Variants in GALC observed in about 807,000 individuals in gnomAD.
The protein encoded by GALC is galactosylceramidase.
GALC carries 77 observed loss-of-function variants against 91.8 expected under a neutral mutation model. The ratio of observed to expected loss-of-function variants is 0.84; its 90% CI spans 0.70 to 1.01. The LOEUF (loss-of-function observed/expected upper bound fraction) is 1.01, where lower values mean the gene tolerates loss of function less well. GALC is among the 50% of genes least tolerant of loss of function. The probability of loss-of-function intolerance (pLI) is 0.00; values close to 1 mark genes in which losing one functional copy is unlikely to be tolerated. For missense variants in GALC, 882 were observed against 855.9 expected (o/e 1.03, Z -0.38); for synonymous variants, 357 against 306.7 (o/e 1.16, Z -1.71).
intron 14 of GALC, among the ~76,000 whole-genome samples, chr14:87,942,050 A>C (rs1434837857): frequency 6.6e-6 from 1 of 151,944 alleles, no homozygotes; most frequent in Non-Finnish European, 1.5e-5. Flanking sequence ...CAAAACTTTA[A>C]AACTCCAGGA....
At chr14:87,973,671 C>T (rs1886384105) in intron 7 of GALC, among the ~76,000 whole-genome samples, 1 of 152,104 alleles carries the variant, frequency 6.6e-6, no homozygotes, top group Non-Finnish European at 1.5e-5. Context: ...CAGACAATAA[C>T]TAAACGAAGA....
At chr14:87,950,031 T>C (rs985063239) in intron 11 of GALC, 100 bp from the exon 12 acceptor site, 52 of 674,272 alleles carry the variant, frequency 7.7e-5, no homozygotes, top group Non-Finnish European at 1.2e-4. Flanking sequence ...ATGACAATAT[T>C]ATCTCTATTT....
In GALC at chr14:87,944,367, C is replaced by T. The variant is rs80240831; in HGVS notation, c.1670+1186G>A. ...GTCACAGAAAAAAAAGTTTCCTATACGGCGACTTCAAAACTGGAGATCAAA... is the reference window on the plus strand; with the variant it reads ...GTCACAGAAAAAAAAGTTTCCTATATGGCGACTTCAAAACTGGAGATCAAA... On this transcript the variant is annotated intron_variant, in intron 14 of 16. Coordinates refer to ENST00000261304, the MANE Select transcript of GALC (RefSeq NM_000153.4). 9.2e-4 allele frequency among the ~76,000 whole-genome samples: 140 copies of T among 152,004 alleles called. 1 individual carries two copies. In the East Asian group the frequency reaches 0.02, roughly 22 times the overall value.
chr14:87,960,150 G>C (rs1885738513), intron 10 of GALC, among the ~76,000 whole-genome samples: 1 of 151,392 alleles, frequency 6.6e-6, no homozygotes, highest in Admixed American at 6.6e-5. Flanking sequence ...GGGAAGGGAA[G>C]GACAGGAAGA....
In GALC at chr14:87,986,469, T is replaced by C. The variant is rs1312223475; in HGVS notation, c.442+20A>G. ...TAAAGGAAAAGAGACTGAAGAAACA[T>C]TGCAAACTTCATTTCTTACCAATGA... On this transcript the variant is annotated intron_variant, in intron 4 of 16. Coordinates refer to ENST00000261304, the MANE Select transcript of GALC (RefSeq NM_000153.4). 2.1e-6 allele frequency: 3 copies of C among 1,417,380 alleles called. No homozygotes were observed. Among genetic ancestry groups the C allele is most frequent in the Non-Finnish European group, 3.0e-6 (3 of 1,001,558 alleles). The allele number at this position is 1,417,380 out of a possible 1,614,324, so 87.8% of individuals were successfully genotyped here. A position where few individuals can be genotyped will look rare whatever the true frequency, so the allele number is the denominator to read the frequency against.
rs181772395 is a variant in GALC, at chr14:87,946,648, T to C, written c.1490-915A>G. Among the ~76,000 whole-genome samples the C allele has an allele frequency of 5.9e-5, 9 of 152,086 alleles. No homozygotes were observed. The East Asian group carries it at 1.4e-3, about 23-fold the overall frequency. ...TTCTTCAATCTCATTATCTAGGCCA[T>C]ATCCCACACAGATTCCTCACTTACT... On this transcript the variant is annotated intron_variant, in intron 13 of 16. Coordinates refer to ENST00000261304, the MANE Select transcript of GALC (RefSeq NM_000153.4).
chr14:87,991,423 T>C (rs908197473), intron 1 of GALC, among the ~76,000 whole-genome samples: 1 of 152,142 alleles, frequency 6.6e-6, no homozygotes, highest in African/African-American at 2.4e-5. Context: ...AGGATAGTCT[T>C]GATCTCCTGA....
intron 1 of GALC, among the ~76,000 whole-genome samples, chr14:87,989,937 C>T (rs77567740): frequency 0.11 from 17,204 of 152,196 alleles, 1,145 homozygotes; most frequent in Non-Finnish European, 0.16. Context: ...ACACCTTCTA[C>T]CTAGATGTAT....
intron 7 of GALC, among the ~76,000 whole-genome samples, chr14:87,973,668 T>C (rs180999393): frequency 7.9e-5 from 12 of 152,216 alleles, no homozygotes; most frequent in Admixed American, 7.9e-4. Context: ...CAACAGACAA[T>C]AACTAAACGA....
chr14:87,974,006 C>T (rs752466865), intron 7 of GALC, among the ~76,000 whole-genome samples: 1 of 152,062 alleles, frequency 6.6e-6, no homozygotes, highest in Non-Finnish European at 1.5e-5. Context: ...TAAATAAGTG[C>T]AAAGTAAACA....
At chr14:87,955,584 A>T (rs1422638844) in intron 10 of GALC, among the ~76,000 whole-genome samples, 2 of 151,534 alleles carry the variant, frequency 1.3e-5, no homozygotes, top group African/African-American at 4.8e-5. Context: ...TCCCTACCTA[A>T]AAACCGTCAA....
chr14:87,958,318 C>T (rs1885648418), intron 10 of GALC, among the ~76,000 whole-genome samples: 1 of 151,672 alleles, frequency 6.6e-6, no homozygotes, highest in Non-Finnish European at 1.5e-5. Flanking sequence ...GAAGTGAGTC[C>T]AATAAGTTAA....
chr14:87,970,526 G>A (rs1595220437), intron 7 of GALC, among the ~76,000 whole-genome samples: 1 of 152,022 alleles, frequency 6.6e-6, no homozygotes, highest in Non-Finnish European at 1.5e-5. Context: ...AAGAAAGGCA[G>A]AACTAATACT....
intron 7 of GALC, among the ~76,000 whole-genome samples, chr14:87,975,362 T>G (rs79026265): frequency 6.6e-6 from 1 of 152,006 alleles, no homozygotes; most frequent in Non-Finnish European, 1.5e-5. Context: ...TAAATGGATC[T>G]AGATTCAATC....
intron 10 of GALC, chr14:87,954,587 T>C (rs1044924858): frequency 3.9e-5 from 62 of 1,580,864 alleles, no homozygotes; most frequent in South Asian, 7.8e-5. Flanking sequence ...TAAAGCAAAA[T>C]TTCAAAAAAG....
chr14:87,963,354 G>T (rs1486980964), intron 10 of GALC, 30 bp downstream of exon 10: 2 of 1,607,440 alleles, frequency 1.2e-6, no homozygotes, highest in Admixed American at 3.3e-5. Flanking sequence ...AAAGAAGTGA[G>T]TTAATCCAAT....
chr14:87,991,810 T>C (rs191552946), intron 1 of GALC, among the ~76,000 whole-genome samples: 2 of 152,304 alleles, frequency 1.3e-5, no homozygotes, highest in Non-Finnish European at 2.9e-5. Context: ...TTAATAAACC[T>C]AATGGAAACA....
intron 6 of GALC, among the ~76,000 whole-genome samples, chr14:87,978,083 G>A (rs776625846): frequency 5.3e-4 from 80 of 152,156 alleles, no homozygotes; most frequent in Non-Finnish European, 4.4e-4. Context: ...ACGGAGTTTC[G>A]CTCTTGTTGC....
chr14:87,933,894 G>T lies in GALC; in HGVS notation c.*838C>A. 8.9e-7 allele frequency: 1 copy of T among 1,124,136 alleles called. No homozygotes were observed. Among genetic ancestry groups the T allele is most frequent in the Non-Finnish European group, 1.3e-6 (1 of 773,128 alleles). 69.6% of individuals were successfully genotyped at this position (1,124,136 alleles called of 1,614,324 possible). A position where few individuals can be genotyped will look rare whatever the true frequency, so the allele number is the denominator to read the frequency against. On this transcript the variant is annotated 3_prime_UTR_variant, in exon 17 of 17. Transcript: ENST00000261304. ...AAGCATTCATCAGCTGTGTGAGTCT[G>T]TTACCAGTGCACATGTGAGGACAGA...
Sources: allele counts gnomAD v4.1 joint callset (sites outside exome capture counted in the v4.1 genomes callset), GRCh38; gene constraint gnomAD v4.1.1; transcripts MANE v1.5; gene names NCBI Gene and HGNC (gene_info 2026-07-23, HGNC 2026-07-21).